The following IFI44 variants were observed in gnomAD, a reference collection of about 807,000 sequenced individuals.
IFI44 encodes the protein interferon-induced protein 44.
Under a neutral mutation model 45.0 loss-of-function variants are expected in IFI44, and 42 were observed. The ratio of observed to expected loss-of-function variants is 0.93; its 90% CI spans 0.73 to 1.21. The LOEUF is 1.21. IFI44 is among the 50% of genes most tolerant of loss of function. The probability of loss-of-function intolerance (pLI) is 0.00; values close to 1 mark genes in which losing one functional copy is unlikely to be tolerated. For missense variants in IFI44, 623 were observed against 525.8 expected (o/e 1.18, Z -1.81); for synonymous variants, 221 against 188.6 (o/e 1.17, Z -1.41).
chr1:78,650,504 T>C lies in IFI44; in HGVS notation c.309T>C (p.Cys103=), dbSNP rs116706982. The change falls in exon 2 of 9, where the codon TGT becomes TGC. Residue 103 remains cysteine (C), a synonymous_variant. Coordinates refer to ENST00000370747, the MANE Select transcript of IFI44 (RefSeq NM_006417.5). ...GTACACCAGAAACACTGTTTTGTTGTGATGTTACAAAATATAACTCCCCAA... is the reference window on the plus strand; with the variant it reads ...GTACACCAGAAACACTGTTTTGTTGCGATGTTACAAAATATAACTCCCCAA... The part of the protein sequence containing the change: ...GLCTPETLFC[C]DVTKYNSPTN... 1.5e-4 allele frequency: 246 copies of C among 1,613,996 alleles called. No homozygotes were observed. In the African/African-American group the frequency reaches 3.0e-3, roughly 20 times the overall value.
intron 6 of IFI44, among the ~76,000 whole-genome samples, chr1:78,660,266 A>G (rs1450761888): frequency 3.9e-5 from 6 of 152,180 alleles, no homozygotes; most frequent in Non-Finnish European, 1.5e-5. Context: ...GAAATCAATC[A>G]GTAATATTGC....
chr1:78,659,240 C>A, intron 5 of IFI44, 72 bp from the exon 6 acceptor site: 1 of 1,227,072 alleles, frequency 8.1e-7, no homozygotes, highest in Non-Finnish European at 1.2e-6. Context: ...TTCACTTGCA[C>A]AGTGCCTGGT....
intron 8 of IFI44, chr1:78,663,280 A>G (rs1647578361): frequency 1.0e-6 from 1 of 985,036 alleles, no homozygotes; most frequent in Middle Eastern, 5.2e-4. Context: ...CTTCCTTAGG[A>G]CCTTACACTC....
Position 78,651,191 on chromosome 1 carries a change from T to C in IFI44, c.457+539T>C, listed in dbSNP as rs569387984. On this transcript the variant is annotated intron_variant, in intron 2 of 8. Coordinates refer to ENST00000370747, the MANE Select transcript of IFI44 (RefSeq NM_006417.5). ...CAAGCGCATTACATTTATTGTGCAC[T>C]TTATTTATATTGCTACTATGTTGTA... Among the ~76,000 whole-genome samples the C allele has an allele frequency of 2.2e-3, 338 of 152,298 alleles. 1 individual carries two copies. The highest frequency in any genetic ancestry group is 7.8e-3 in the African/African-American group (326 of 41,558).
At position 78,660,615 on chromosome 1, in the gene IFI44, C is replaced by A. The variant is rs1647394137; in HGVS notation, c.1074C>A (p.Asp358Glu). 6.2e-7 allele frequency: 1 copy of A among 1,613,414 alleles called. No homozygotes were observed. Among genetic ancestry groups the A allele is most frequent in the Admixed American group, 1.7e-5 (1 of 59,956 alleles). Residue 358 changes from aspartate (D) to glutamate (E), a missense_variant, in exon 7 of 9, where the codon GAC becomes GAA. Coordinates refer to ENST00000370747, the MANE Select transcript of IFI44 (RefSeq NM_006417.5). ...GCATGGATTTGATTACAAAAGGTGA[C>A]CTTATAGAAATAGAGAGATGTGAGC... Reference protein sequence around the residue: ...VDSMDLITKGDLIEIERCEPV... With the variant: ...VDSMDLITKGELIEIERCEPV...
At position 78,650,478 on chromosome 1, in the gene IFI44, T is replaced by G; in HGVS notation, c.283T>G (p.Cys95Gly). The G allele has an allele frequency of 6.2e-7, 1 of 1,614,092 alleles. No individual in the cohort carries two copies. The highest frequency in any genetic ancestry group is 8.5e-7 in the Non-Finnish European group (1 of 1,179,976). Residue 95 changes from cysteine to glycine, a missense_variant, in exon 2 of 9, where the codon TGT becomes GGT. By Grantham distance (159) the Cys-to-Gly change is radical. Transcript: ENST00000370747. ...AATTTCAGAATGGAAACTAGGACTA[T>G]GTACACCAGAAACACTGTTTTGTTG... Reference protein sequence around the residue: ...TKISEWKLGLCTPETLFCCDV... With the variant: ...TKISEWKLGLGTPETLFCCDV...
chr1:78,658,325 C>T (rs1197966452), intron 5 of IFI44, among the ~76,000 whole-genome samples: 1 of 152,016 alleles, frequency 6.6e-6, no homozygotes, highest in African/African-American at 2.4e-5. Context: ...TCATCATAAT[C>T]ACACTTAATA....
At chr1:78,662,212 C>T (rs1385579235) in intron 7 of IFI44, among the ~76,000 whole-genome samples, 1 of 152,058 alleles carries the variant, frequency 6.6e-6, no homozygotes, top group Non-Finnish European at 1.5e-5. Flanking sequence ...TATAACAAGC[C>T]TATGAAATGG....
At chr1:78,659,253 A>T in intron 5 of IFI44, 59 bp from the exon 6 acceptor site, 1 of 1,380,072 alleles carries the variant, frequency 7.2e-7, no homozygotes. Flanking sequence ...TGCCTGGTAC[A>T]TAGTTTGTGC....
Position 78,662,694 on chromosome 1 carries a change from T to G in IFI44, c.1114-10T>G. On this transcript the variant is annotated splice_polypyrimidine_tract_variant and intron_variant, in intron 7 of 8. Coordinates refer to ENST00000370747, the MANE Select transcript of IFI44 (RefSeq NM_006417.5). ...TGTTTTGCAATGTCTTTTTAATTTC[T>G]GTATTGCAGCTAGAGGAAGTCCAAA... 1 of 1,597,470 alleles carries G rather than the reference T, an allele frequency of 6.3e-7. No homozygotes were observed. The highest frequency in any genetic ancestry group is 8.6e-7 in the Non-Finnish European group (1 of 1,167,914).
rs1464374746 is a variant in IFI44, at chr1:78,663,638, T to C, written c.1289-127T>C. ...CATCTTGGTTTCCCCATCCCTTCTC[T>C]TCCTCATGGTACGTGTGCTCCTAAT... is the stretch of plus-strand genomic sequence containing the variant. On this transcript the variant is annotated intron_variant, in intron 8 of 8. Coordinates refer to ENST00000370747, the MANE Select transcript of IFI44 (RefSeq NM_006417.5). The C allele has an allele frequency of 2.8e-6, 4 of 1,414,942 alleles. No homozygotes were observed. The East Asian group carries it at 7.9e-5, about 28-fold the overall frequency. 87.6% of individuals were successfully genotyped at this position (1,414,942 alleles called of 1,614,324 possible). A position where few individuals can be genotyped will look rare whatever the true frequency, so the allele number is the denominator to read the frequency against.
rs1048895457 is a variant in IFI44 at position 78,663,886 on chromosome 1, A to G, written c.*75A>G. On this transcript the variant is annotated 3_prime_UTR_variant, in exon 9 of 9. Coordinates refer to ENST00000370747, the MANE Select transcript of IFI44 (RefSeq NM_006417.5). ...TCAGAAAGGAGAAAACACAGACCAA[A>G]GAGAAGTATCTAAGACCAAAGGGAT... 3.5e-6 allele frequency: 5 copies of G among 1,441,710 alleles called. No individual in the cohort carries two copies. The highest frequency in any genetic ancestry group is 3.8e-6 in the Non-Finnish European group (4 of 1,047,104). The allele number at this position is 1,441,710 out of a possible 1,614,324, so 89.3% of individuals were successfully genotyped here. A position where few individuals can be genotyped will look rare whatever the true frequency, so the allele number is the denominator to read the frequency against.
intron 6 of IFI44, among the ~76,000 whole-genome samples, 168 bp downstream of exon 6, chr1:78,659,651 A>T (rs1010205651): frequency 2.6e-5 from 4 of 152,206 alleles, no homozygotes; most frequent in Non-Finnish European, 5.9e-5. Flanking sequence ...TGGCTATATG[A>T]CTTTGTGCAA....
intron 2 of IFI44, among the ~76,000 whole-genome samples, chr1:78,653,689 A>G (rs1039305130): frequency 3.3e-5 from 5 of 152,202 alleles, no homozygotes; most frequent in Non-Finnish European, 2.9e-5. Context: ...TTGGGTAGGC[A>G]TGAGTCTCAT....
At position 78,660,668 on chromosome 1, in the gene IFI44, C is replaced by A; in HGVS notation, c.1113+14C>A. 1.3e-6 allele frequency: 2 copies of A among 1,523,476 alleles called. No individual in the cohort carries two copies. Among genetic ancestry groups the A allele is most frequent in the Non-Finnish European group, 9.1e-7 (1 of 1,097,844 alleles). 94.4% of individuals were successfully genotyped at this position (1,523,476 alleles called of 1,614,324 possible). On this transcript the variant is annotated intron_variant, in intron 7 of 8. Transcript: ENST00000370747. ...GTGAGGTCCAAGGTAATGAATGATG[C>A]CCTTCGTAAACACATTTTCTGGGGT...
chr1:78,651,480 G>A lies in IFI44; in HGVS notation c.457+828G>A, dbSNP rs74092056. On this transcript the variant is annotated intron_variant, in intron 2 of 8. Coordinates refer to ENST00000370747, the MANE Select transcript of IFI44 (RefSeq NM_006417.5). ...GTAATATGAGCAATGGGGAGCAGCTGTAAATACAGATGAAGCTTCACTCGC... is the reference window on the plus strand; with the variant it reads ...GTAATATGAGCAATGGGGAGCAGCTATAAATACAGATGAAGCTTCACTCGC... Among the ~76,000 whole-genome samples, 405 of 152,300 alleles carry A rather than the reference G, an allele frequency of 2.7e-3. 3 individuals are homozygous for A. The highest frequency in any genetic ancestry group is 8.2e-3 in the African/African-American group (342 of 41,566).
intron 5 of IFI44, among the ~76,000 whole-genome samples, chr1:78,656,713 T>A (rs1465291101): frequency 6.6e-6 from 1 of 150,996 alleles, no homozygotes; most frequent in Non-Finnish European, 1.5e-5. Context: ...GTTGTTTAGA[T>A]TGAAATTATA....
chr1:78,662,306 AG>A (rs1302611689), intron 7 of IFI44, among the ~76,000 whole-genome samples: 3 of 152,244 alleles, frequency 2.0e-5, no homozygotes, highest in African/African-American at 4.8e-5. Flanking sequence ...AGTGCTGAGC[AG>A]TGACAGATAA....
rs1647619842 is a variant in IFI44 at position 78,663,949 on chromosome 1, A to AC, written c.*139dup. On this transcript the variant is annotated 3_prime_UTR_variant, in exon 9 of 9. Coordinates refer to ENST00000370747, the MANE Select transcript of IFI44 (RefSeq NM_006417.5). ...TGTCTAGGATGAAGAAATGCATAGAACATTGTAGTACTTGTAAATAACTAG... is the reference window on the plus strand; with the variant it reads ...TGTCTAGGATGAAGAAATGCATAGAACCATTGTAGTACTTGTAAATAACTAG... 5.5e-6 allele frequency: 3 copies of AC among 545,286 alleles called. No individual in the cohort carries two copies. The highest frequency in any genetic ancestry group is 3.8e-5 in the Admixed American group (1 of 26,392). The allele number at this position is 545,286 out of a possible 1,614,324, so 33.8% of individuals were successfully genotyped here. A position where few individuals can be genotyped will look rare whatever the true frequency, so the allele number is the denominator to read the frequency against.
Sources: allele counts gnomAD v4.1 joint callset (sites outside exome capture counted in the v4.1 genomes callset), GRCh38; gene constraint gnomAD v4.1.1; transcripts MANE v1.5; gene names NCBI Gene and HGNC (gene_info 2026-07-23, HGNC 2026-07-21).